The following CDNF variants were observed in gnomAD, a reference collection of about 807,000 sequenced individuals.
CDNF encodes cerebral dopamine neurotrophic factor, also known as ARMET-like protein 1.
CDNF carries 9 observed loss-of-function variants against 14.8 expected under a neutral mutation model. The ratio of observed to expected loss-of-function variants is 0.61; its 90% CI spans 0.37 to 1.06. The LOEUF is 1.06. Ranked by LOEUF, CDNF falls within the 50% of genes least tolerant of loss-of-function variation. The pLI, the probability that CDNF is intolerant of heterozygous loss-of-function variation, is 0.01. For synonymous variants in CDNF, 86 were observed against 87.2 expected (o/e 0.99, Z 0.07); for missense variants, 228 against 228.4 (o/e 1.00, Z 0.01).
intron 1 of CDNF, among the ~76,000 whole-genome samples, chr10:14,834,791 T>C (rs1050491965): frequency 6.6e-6 from 1 of 152,166 alleles, no homozygotes. Flanking sequence ...GGGAAACTGC[T>C]GAAAGATACT....
chr10:14,837,991 C>CCCA lies in CDNF; in HGVS notation c.-48_-46dup, dbSNP rs1222281859. 7.0e-7 allele frequency: 1 copy of CCCA among 1,425,128 alleles called. No homozygotes were observed. The highest frequency in any genetic ancestry group is 9.6e-7 in the Non-Finnish European group (1 of 1,036,968). 88.3% of individuals were successfully genotyped at this position (1,425,128 alleles called of 1,614,324 possible). A position where few individuals can be genotyped will look rare whatever the true frequency, so the allele number is the denominator to read the frequency against. On this transcript the variant is annotated 5_prime_UTR_variant, in exon 1 of 4. Transcript: ENST00000465530. ...TCGCCTCCGCCACCCGCGCCCACCG[C>CCCA]CCACCAAGCTGCCAAAGCGAGCTGA...
At chr10:14,836,016 G>C (rs1833882691) in intron 1 of CDNF, among the ~76,000 whole-genome samples, 1 of 152,182 alleles carries the variant, frequency 6.6e-6, no homozygotes, top group Non-Finnish European at 1.5e-5. Flanking sequence ...AATGTACCCA[G>C]TGAATTTAAT....
At chr10:14,821,960 T>C (rs992361292) in intron 3 of CDNF, among the ~76,000 whole-genome samples, 10 of 152,226 alleles carry the variant, frequency 6.6e-5, no homozygotes, top group African/African-American at 2.4e-4. Context: ...AATGAGCACA[T>C]ACACATGACA....
chr10:14,827,758 G>T (rs2131625135), intron 2 of CDNF, among the ~76,000 whole-genome samples: 1 of 152,166 alleles, frequency 6.6e-6, no homozygotes, highest in South Asian at 2.1e-4. Context: ...AGGGTGTGGT[G>T]GTGCACACCC....
intron 3 of CDNF, among the ~76,000 whole-genome samples, chr10:14,822,246 GACT>G (rs1833743725): frequency 6.6e-6 from 1 of 152,032 alleles, no homozygotes; most frequent in Non-Finnish European, 1.5e-5. Context: ...CCTCTAGCAA[GACT>G]ACTATTTCGC....
At chr10:14,834,737 T>C (rs1175066512) in intron 1 of CDNF, among the ~76,000 whole-genome samples, 1 of 152,066 alleles carries the variant, frequency 6.6e-6, no homozygotes, top group African/African-American at 2.4e-5. Flanking sequence ...GAGAAGTGTA[T>C]CAGATACTGT....
At position 14,835,835 on chromosome 10, in the gene CDNF, G is replaced by A. The variant is rs569355125; in HGVS notation, c.115+1997C>T. On this transcript the variant is annotated intron_variant, in intron 1 of 3. Transcript: ENST00000465530. ...AGGAAAAAGAAGAGTTAAGCAATTTGAATCGGGGGCAGAGTAGGGGCGGCA... is the reference window on the plus strand; with the variant it reads ...AGGAAAAAGAAGAGTTAAGCAATTTAAATCGGGGGCAGAGTAGGGGCGGCA... 3.9e-5 allele frequency among the ~76,000 whole-genome samples: 6 copies of A among 152,286 alleles called. No individual in the cohort carries two copies. The South Asian group carries it at 1.2e-3, about 32-fold the overall frequency.
intron 3 of CDNF, among the ~76,000 whole-genome samples, chr10:14,825,236 C>A (rs890572944): frequency 6.6e-6 from 1 of 152,110 alleles, no homozygotes; most frequent in African/African-American, 2.4e-5. Context: ...GATGAAAGGC[C>A]TGAGCCACCG....
chr10:14,820,173 G>A lies in CDNF; in HGVS notation c.386-15C>T, dbSNP rs776122050. On this transcript the variant is annotated splice_polypyrimidine_tract_variant and intron_variant, in intron 3 of 3. Transcript: ENST00000465530. Reference sequence around the variant, plus strand: ...CAGTGTTTTTTCTAAATGGCAAAAAGGAAAAAAGCCAATTACAAAATAAAT... The same window carrying A: ...CAGTGTTTTTTCTAAATGGCAAAAAAGAAAAAAGCCAATTACAAAATAAAT... 4 of 1,601,436 alleles carry A rather than the reference G, an allele frequency of 2.5e-6. No homozygotes were observed. The African/African-American group carries it at 4.1e-5, about 16-fold the overall frequency.
intron 2 of CDNF, among the ~76,000 whole-genome samples, chr10:14,827,489 A>T (rs1267724245): frequency 6.6e-6 from 1 of 152,226 alleles, no homozygotes; most frequent in Non-Finnish European, 1.5e-5. Context: ...TAATAATGTA[A>T]AATATTTTGA....
chr10:14,837,937 C>T lies in CDNF; in HGVS notation c.10G>A (p.Ala4Thr). ...AAGGCCACCACAGCAACTGGGCTCGCGCACCACATGCTGGGCCAGCAGCTT... is the reference window on the plus strand; with the variant it reads ...AAGGCCACCACAGCAACTGGGCTCGTGCACCACATGCTGGGCCAGCAGCTT... MWC[A>T]SPVAVVAFCA... The change falls in exon 1 of 4, where the codon GCG becomes ACG. Residue 4 changes from alanine to threonine, a missense_variant. Ala to Thr is a moderately conservative substitution (Grantham distance 58). Transcript: ENST00000465530. 2 of 1,597,224 alleles carry T rather than the reference C, an allele frequency of 1.3e-6. No individual in the cohort carries two copies. The highest frequency in any genetic ancestry group is 1.3e-5 in the African/African-American group (1 of 74,792).
intron 1 of CDNF, among the ~76,000 whole-genome samples, chr10:14,835,417 G>A (rs970468674): frequency 1.3e-5 from 2 of 152,146 alleles, no homozygotes; most frequent in African/African-American, 2.4e-5. Flanking sequence ...ACCATGAAGA[G>A]AAGGCAGTCT....
At chr10:14,821,190 T>C (rs1465458718) in intron 3 of CDNF, among the ~76,000 whole-genome samples, 2 of 152,098 alleles carry the variant, frequency 1.3e-5, no homozygotes, top group Non-Finnish European at 2.9e-5. Context: ...AGTGGCATGA[T>C]CTCTGCTCAC....
intron 3 of CDNF, among the ~76,000 whole-genome samples, chr10:14,822,847 A>G (rs7099185): frequency 0.43 from 65,014 of 152,082 alleles, 17,244 homozygotes; most frequent in African/African-American, 0.75. Context: ...TTTTGTATTT[A>G]GAGGGTCAGC....
At chr10:14,834,537 G>A (rs182730158) in intron 1 of CDNF, among the ~76,000 whole-genome samples, 99 of 151,792 alleles carry the variant, frequency 6.5e-4, no homozygotes, top group African/African-American at 2.3e-3. Context: ...TGAAAGTTAG[G>A]AATACTAACT....
At chr10:14,825,173 TA>T (rs66477437) in intron 3 of CDNF, among the ~76,000 whole-genome samples, 152,180 of 152,182 alleles carry the variant, frequency 1, 76,089 homozygotes, top group Non-Finnish European at 1. Flanking sequence ...GCCAGGCTGG[TA>T]CTTGAACTCC....
chr10:14,836,109 C>T lies in CDNF; in HGVS notation c.115+1723G>A, dbSNP rs573834832. ...AGGAACCATTCAGTTTTTTTGCCTT[C>T]GCTCTAGAGTATGTATAATATGGCA... On this transcript the variant is annotated intron_variant, in intron 1 of 3. Transcript: ENST00000465530. The T allele has an allele frequency of 4.6e-5, 7 of 152,130 alleles. No homozygotes were observed. In the South Asian group the frequency reaches 6.2e-4, roughly 14 times the overall value. The allele number at this position is 152,130 out of a possible 1,614,324, so 9.4% of individuals were successfully genotyped here.
At chr10:14,831,062 G>A (rs1482156868) in intron 1 of CDNF, among the ~76,000 whole-genome samples, 1 of 152,132 alleles carries the variant, frequency 6.6e-6, no homozygotes, top group Non-Finnish European at 1.5e-5. Context: ...CAGTAAAAAT[G>A]TTCAAGTGAA....
intron 3 of CDNF, among the ~76,000 whole-genome samples, chr10:14,823,716 A>T (rs1439527507): frequency 6.6e-6 from 1 of 152,152 alleles, no homozygotes; most frequent in Non-Finnish European, 1.5e-5. Flanking sequence ...TTGTAGAGAC[A>T]GGGTTTCACC....
Sources: allele counts gnomAD v4.1 joint callset (sites outside exome capture counted in the v4.1 genomes callset), GRCh38; gene constraint gnomAD v4.1.1; transcripts MANE v1.5; gene names NCBI Gene and HGNC (gene_info 2026-07-23, HGNC 2026-07-21).